NRXN3: variants seen among roughly 807,000 people sequenced by gnomAD.
NRXN3 encodes neurexin III.
In NRXN3, 32 loss-of-function variants were observed where a neutral mutation model predicts 137.6. The observed-to-expected ratio is 0.23, with a 90% CI of 0.18 to 0.31. The LOEUF is 0.31. Among genes scored for constraint, NRXN3 ranks in the 10% least tolerant of loss-of-function variants. NRXN3 has a pLI of 1.00. For synonymous variants in NRXN3, 798 were observed against 784.5 expected (o/e 1.02, Z -0.29); for missense variants, 1,574 against 2,062.5 (o/e 0.76, Z 4.59).
intron 15 of NRXN3, among the ~76,000 whole-genome samples, chr14:79,319,702 A>T (rs1397807932): frequency 6.6e-6 from 1 of 152,174 alleles, no homozygotes. Context: ...ATTATTATCC[A>T]CGTTATAATT....
chr14:79,784,718 A>G (rs1056142249), intron 19 of NRXN3, among the ~76,000 whole-genome samples: 1 of 147,262 alleles, frequency 6.8e-6, no homozygotes, highest in African/African-American at 2.5e-5. Flanking sequence ...TGTAACTTTC[A>G]CTTCAACAAG....
In NRXN3 at chr14:79,114,605, C is replaced by A. The variant is rs530978522; in HGVS notation, c.3262+126464C>A. Among the ~76,000 whole-genome samples the A allele has an allele frequency of 2.0e-5, 3 of 152,208 alleles. 1 individual carries two copies. The South Asian group carries it at 6.2e-4, about 32-fold the overall frequency. On this transcript the variant is annotated intron_variant, in intron 15 of 20. Transcript: ENST00000335750. Reference sequence around the variant, plus strand: ...TAAAATAAACTATCACTTCTTTAGGCTTCTGGTTTTGAAAGTTTTGAGTAG... The same window carrying A: ...TAAAATAAACTATCACTTCTTTAGGATTCTGGTTTTGAAAGTTTTGAGTAG...
intron 15 of NRXN3, among the ~76,000 whole-genome samples, chr14:79,071,409 G>C (rs1262561989): frequency 6.6e-6 from 1 of 152,104 alleles, no homozygotes; most frequent in Non-Finnish European, 1.5e-5. Flanking sequence ...ACAGGCCCCA[G>C]CGTGTGAGGT....
chr14:79,337,844 A>G (rs2092362709), intron 15 of NRXN3, among the ~76,000 whole-genome samples: 2 of 152,126 alleles, frequency 1.3e-5, no homozygotes. Flanking sequence ...TTCATACCGT[A>G]TTACTGGTTT....
chr14:78,978,003 A>G (rs1011336078), intron 14 of NRXN3, among the ~76,000 whole-genome samples: 3 of 152,146 alleles, frequency 2.0e-5, no homozygotes, highest in Non-Finnish European at 4.4e-5. Flanking sequence ...CAGTCAACCA[A>G]TTCCCATCCA....
intron 16 of NRXN3, among the ~76,000 whole-genome samples, chr14:79,503,053 G>T (rs2096840700): frequency 2.0e-5 from 3 of 152,038 alleles, no homozygotes; most frequent in Admixed American, 2.0e-4. Context: ...TTGCTTATTT[G>T]CAGTCACAGT....
intron 19 of NRXN3, among the ~76,000 whole-genome samples, chr14:79,795,823 G>A (rs1005014487): frequency 1.3e-5 from 2 of 151,934 alleles, no homozygotes; most frequent in African/African-American, 4.8e-5. Context: ...AGTTTTCTGT[G>A]CCACATACTA....
intron 16 of NRXN3, among the ~76,000 whole-genome samples, chr14:79,551,805 A>C (rs1163590455): frequency 6.6e-6 from 1 of 152,146 alleles, no homozygotes; most frequent in African/African-American, 2.4e-5. Context: ...GGAAGTTTCT[A>C]GTGTTTCTGG....
chr14:78,217,075 A>G (rs574612193), intron 1 of NRXN3, among the ~76,000 whole-genome samples: 3 of 152,268 alleles, frequency 2.0e-5, no homozygotes, highest in South Asian at 4.2e-4. Context: ...AGACTTCAAC[A>G]TGTCTTTCTC....
In NRXN3 at chr14:78,464,357, A is replaced by T. The variant is rs183042807; in HGVS notation, c.757+166497A>T. 3.5e-3 allele frequency among the ~76,000 whole-genome samples: 535 copies of T among 152,290 alleles called. 1 individual carries two copies. The highest frequency in any genetic ancestry group is 8.0e-3 in the Admixed American group (122 of 15,290). ...AGGCGTTAGCCACTGCGCCTAGCTG[A>T]AAAGGAGAGTTTTTGATGAAGCACA... is the stretch of plus-strand genomic sequence containing the variant. On this transcript the variant is annotated intron_variant, in intron 4 of 20. Coordinates refer to ENST00000335750, the MANE Select transcript of NRXN3 (RefSeq NM_001330195.2).
At chr14:79,386,337 C>G (rs976174259) in intron 15 of NRXN3, among the ~76,000 whole-genome samples, 19 of 151,786 alleles carry the variant, frequency 1.3e-4, no homozygotes, top group African/African-American at 4.6e-4. Context: ...CAAATCATGA[C>G]TGAACCACTC....
chr14:79,579,349 CATAT>C lies in NRXN3; in HGVS notation c.3445-84413_3445-84410del, dbSNP rs138220950. Among the ~76,000 whole-genome samples the C allele has an allele frequency of 2.5e-3, 354 of 142,358 alleles. 9 individuals carry two copies. Among genetic ancestry groups the C allele is most frequent in the Middle Eastern group, 0.014 (4 of 276 alleles). The allele number at this position is 142,358 out of a possible 152,430, so 93.4% of individuals were successfully genotyped here. On this transcript the variant is annotated intron_variant, in intron 16 of 20. Coordinates refer to ENST00000335750, the MANE Select transcript of NRXN3 (RefSeq NM_001330195.2). The stretch of plus-strand genomic sequence containing the variant: ...GTATGTGTGAGATATATATATATTT[CATAT>C]ATATATATATATATAATATATATAT...
chr14:78,519,460 G>A (rs901464054), intron 4 of NRXN3, among the ~76,000 whole-genome samples: 15 of 152,104 alleles, frequency 9.9e-5, no homozygotes, highest in Non-Finnish European at 1.8e-4. Flanking sequence ...TTATTGAAAT[G>A]ATTCCTCATT....
At chr14:79,662,459 G>A (rs2098538805) in intron 16 of NRXN3, among the ~76,000 whole-genome samples, 1 of 152,070 alleles carries the variant, frequency 6.6e-6, no homozygotes, top group Non-Finnish European at 1.5e-5. Flanking sequence ...AAGAGTCAGA[G>A]TTTTAATAGC....
At chr14:79,619,836 C>A (rs1221561303) in intron 16 of NRXN3, among the ~76,000 whole-genome samples, 1 of 152,074 alleles carries the variant, frequency 6.6e-6, no homozygotes, top group African/African-American at 2.4e-5. Flanking sequence ...AGATAAATGT[C>A]TTTATAAAGT....
chr14:78,320,915 A>C (rs1009185598), intron 4 of NRXN3, among the ~76,000 whole-genome samples: 4 of 152,030 alleles, frequency 2.6e-5, no homozygotes, highest in Non-Finnish European at 5.9e-5. Context: ...CAGGAGATCA[A>C]GACCATCCTG....
chr14:79,142,086 G>A (rs780827160), intron 15 of NRXN3, among the ~76,000 whole-genome samples: 9 of 152,118 alleles, frequency 5.9e-5, no homozygotes, highest in Admixed American at 1.3e-4. Context: ...CCAAGTGAGG[G>A]TGCCATTTGA....
intron 15 of NRXN3, among the ~76,000 whole-genome samples, chr14:79,278,039 G>T (rs2080576820): frequency 1.3e-5 from 2 of 152,116 alleles, no homozygotes; most frequent in African/African-American, 2.4e-5. Flanking sequence ...CCTCCTTGGG[G>T]TGTCTCAAGG....
At chr14:78,484,027 C>CACACAGAG (rs1229106899) in intron 4 of NRXN3, among the ~76,000 whole-genome samples, 16 of 137,178 alleles carry the variant, frequency 1.2e-4, no homozygotes, top group African/African-American at 4.1e-4. Context: ...CACACACACA[C>CACACAGAG]AGAGAGAGAG....
Sources: allele counts gnomAD v4.1 joint callset (sites outside exome capture counted in the v4.1 genomes callset), GRCh38; gene constraint gnomAD v4.1.1; transcripts MANE v1.5; gene names NCBI Gene and HGNC (gene_info 2026-07-23, HGNC 2026-07-21).